VPS9D1: variants seen among roughly 807,000 people sequenced by gnomAD.
The protein encoded by VPS9D1 is VPS9 domain containing 1.
Under a neutral mutation model 75.8 loss-of-function variants are expected in VPS9D1, and 78 were observed. That is an observed-to-expected ratio of 1.03 (90% confidence interval 0.86 to 1.24). VPS9D1 has a LOEUF of 1.24. VPS9D1 is among the 50% of genes most tolerant of loss of function. VPS9D1 has a pLI of 0.00. For missense variants in VPS9D1, 1,057 were observed against 847.7 expected, an observed-to-expected ratio of 1.25 and a Z score of -3.07; for synonymous variants, 481 against 385.6, an observed-to-expected ratio of 1.25 and a Z score of -2.90.
At chr16:89,715,521 C>A (rs190115486) in intron 4 of VPS9D1, among the ~76,000 whole-genome samples, 2,768 of 151,334 alleles carry the variant, frequency 0.018, 49 homozygotes, top group South Asian at 0.097. Flanking sequence ...CCACCGCGCC[C>A]GGTCATTTTT....
At chr16:89,711,794 G>C (rs1597910845) in intron 8 of VPS9D1, 88 bp downstream of exon 8, 4 of 1,429,226 alleles carry the variant, frequency 2.8e-6, no homozygotes, top group Admixed American at 4.5e-5. Context: ...CTCTGGCTCC[G>C]CCCCCCACGG....
chr16:89,710,506 C>T (rs1013563222), intron 10 of VPS9D1, 80 bp downstream of exon 10: 26 of 1,454,980 alleles, frequency 1.8e-5, no homozygotes, highest in African/African-American at 1.4e-4. Flanking sequence ...ACAGACCCTT[C>T]CCCAAACAGA....
intron 4 of VPS9D1, among the ~76,000 whole-genome samples, chr16:89,715,505 C>T (rs753294290): frequency 1.3e-5 from 2 of 151,652 alleles, no homozygotes; most frequent in Non-Finnish European, 2.9e-5. Context: ...GGATTACAGG[C>T]GTGAGCCACC....
intron 2 of VPS9D1, among the ~76,000 whole-genome samples, 156 bp downstream of exon 2, chr16:89,718,871 G>T (rs550177801): frequency 2.6e-5 from 4 of 152,030 alleles, no homozygotes; most frequent in Non-Finnish European, 5.9e-5. Context: ...CCGCCACCAG[G>T]CCCAGCTGAT....
At chr16:89,716,945 C>T in intron 2 of VPS9D1, 123 bp from the exon 3 acceptor site, 2 of 843,700 alleles carry the variant, frequency 2.4e-6, no homozygotes, top group South Asian at 2.0e-5. Context: ...CCCACTGACC[C>T]CGGGCAAGCC....
At chr16:89,708,734 C>T in intron 13 of VPS9D1, 123 bp downstream of exon 13, 1 of 1,202,380 alleles carries the variant, frequency 8.3e-7, no homozygotes, top group Non-Finnish European at 1.1e-6. Flanking sequence ...CCACACGGCC[C>T]TCCTGCTTCT....
intron 2 of VPS9D1, chr16:89,717,323 C>G (rs926283527): frequency 8.6e-6 from 3 of 350,056 alleles, no homozygotes; most frequent in Non-Finnish European, 1.7e-5. Context: ...AGTGCTCACT[C>G]AGCTTCACTT....
intron 2 of VPS9D1, among the ~76,000 whole-genome samples, chr16:89,718,366 ACAC>A (rs2061140905): frequency 6.6e-6 from 1 of 152,074 alleles, no homozygotes. Context: ...GTTTCCCTGC[ACAC>A]CAGAACGGCC....
rs765217513 is a variant in VPS9D1 at position 89,711,348 on chromosome 16, C to G, written c.812G>C (p.Ser271Thr). ...CTACCTGAGCAGGTGTGAGACCAGG[C>G]TGGTCACGAGTGACAGGTCCCCCGG... ...RNPGDLSLVT[S>T]LVSHLLSLPD... The change falls in exon 9 of 15, where the codon AGC (serine) becomes ACC (threonine). Residue 271 changes from serine (S) to threonine (T), a missense_variant. By Grantham distance (58) the Ser-to-Thr change is moderately conservative. Coordinates refer to ENST00000389386, the MANE Select transcript of VPS9D1 (RefSeq NM_004913.3). The G allele has an allele frequency of 5.0e-6, 8 of 1,610,672 alleles. No individual in the cohort carries two copies. In the Admixed American group the frequency reaches 1.0e-4, roughly 20 times the overall value.
intron 2 of VPS9D1, 28 bp from the exon 3 acceptor site, chr16:89,716,850 C>A: frequency 6.4e-7 from 1 of 1,567,266 alleles, no homozygotes; most frequent in Non-Finnish European, 8.6e-7. Context: ...AGGCTGGTCA[C>A]AGTCGGCTCT....
At chr16:89,714,884 G>A (rs1404683142) in intron 4 of VPS9D1, among the ~76,000 whole-genome samples, 1 of 151,950 alleles carries the variant, frequency 6.6e-6, no homozygotes, top group Non-Finnish European at 1.5e-5. Flanking sequence ...ACAGGCACGC[G>A]CCACCATGCC....
rs554524289 is a variant in VPS9D1 at position 89,711,866 on chromosome 16, C to T, written c.747+16G>A. ...CTGGGCTCCTCCTACAAAGCCTGGGCCCGTGGGGGACGCACATGGTCCTGT... is the reference window on the plus strand; with the variant it reads ...CTGGGCTCCTCCTACAAAGCCTGGGTCCGTGGGGGACGCACATGGTCCTGT... On this transcript the variant is annotated intron_variant, in intron 8 of 14. Coordinates refer to ENST00000389386, the MANE Select transcript of VPS9D1 (RefSeq NM_004913.3). 7.7e-6 allele frequency: 12 copies of T among 1,549,610 alleles called. No homozygotes were observed. The highest frequency in any genetic ancestry group is 1.0e-5 in the Non-Finnish European group (12 of 1,146,208).
In VPS9D1 at chr16:89,716,841, G is replaced by A. The variant is rs761652605; in HGVS notation, c.176-19C>T. On this transcript the variant is annotated intron_variant, in intron 2 of 14. Coordinates refer to ENST00000389386, the MANE Select transcript of VPS9D1 (RefSeq NM_004913.3). Reference sequence around the variant, plus strand: ...CCAGCTTCTGGGGGAGGGACAAGAAGGCTGGTCACAGTCGGCTCTACCACT... The same window carrying A: ...CCAGCTTCTGGGGGAGGGACAAGAAAGCTGGTCACAGTCGGCTCTACCACT... 2.5e-6 allele frequency: 4 copies of A among 1,578,960 alleles called. No homozygotes were observed. The South Asian group carries it at 3.5e-5, about 14-fold the overall frequency.
At position 89,717,380 on chromosome 16, in the gene VPS9D1, G is replaced by A. The variant is rs1049730110; in HGVS notation, c.176-558C>T. On this transcript the variant is annotated intron_variant, in intron 2 of 14. Transcript: ENST00000389386. ...GTGGCCGTTTTACAGAGACAAGGACGTGCTGAGGGGATCGCCTCACCCATC... is the reference window on the plus strand; with the variant it reads ...GTGGCCGTTTTACAGAGACAAGGACATGCTGAGGGGATCGCCTCACCCATC... 3.8e-5 allele frequency: 14 copies of A among 368,600 alleles called. No homozygotes were observed. The East Asian group carries it at 9.6e-4, about 25-fold the overall frequency. 22.8% of individuals were successfully genotyped at this position (368,600 alleles called of 1,614,324 possible).
chr16:89,716,838 G>C lies in VPS9D1; in HGVS notation c.176-16C>G, dbSNP rs753540701. 6.3e-7 allele frequency: 1 copy of C among 1,581,326 alleles called. No homozygotes were observed. The highest frequency in any genetic ancestry group is 1.2e-5 in the South Asian group (1 of 86,946). On this transcript the variant is annotated splice_polypyrimidine_tract_variant and intron_variant, in intron 2 of 14. Transcript: ENST00000389386. Reference sequence around the variant, plus strand: ...TCCCCAGCTTCTGGGGGAGGGACAAGAAGGCTGGTCACAGTCGGCTCTACC... The same window carrying C: ...TCCCCAGCTTCTGGGGGAGGGACAACAAGGCTGGTCACAGTCGGCTCTACC...
At chr16:89,710,376 A>G (rs898730563) in intron 10 of VPS9D1, among the ~76,000 whole-genome samples, 8 of 152,148 alleles carry the variant, frequency 5.3e-5, no homozygotes, top group East Asian at 1.9e-4. Flanking sequence ...AACTGAGGTC[A>G]GGAGTTTGAG....
rs772638340 is a variant in VPS9D1, at chr16:89,710,698, G to T, written c.1146C>A (p.Asp382Glu). 1 of 1,609,034 alleles carries T rather than the reference G, an allele frequency of 6.2e-7. No homozygotes were observed. Among genetic ancestry groups the T allele is most frequent in the Non-Finnish European group, 8.5e-7 (1 of 1,178,394 alleles). The change falls in exon 10 of 15, where the codon GAC becomes GAA. Residue 382 changes from aspartate (D) to glutamate (E), a missense_variant. Coordinates refer to ENST00000389386, the MANE Select transcript of VPS9D1 (RefSeq NM_004913.3). ...CAGACGTCCCCAGGAACTGCTCCAG[G>T]TCCTCGAACGAGCTGTCCTTGTCTG... Reference protein sequence around the residue: ...GLPDKDSSFEDLEQFLGTSER... With the variant: ...GLPDKDSSFEELEQFLGTSER...
intron 2 of VPS9D1, among the ~76,000 whole-genome samples, chr16:89,717,095 C>T (rs1327409261): frequency 8.4e-6 from 1 of 118,422 alleles, no homozygotes; most frequent in Non-Finnish European, 1.8e-5. Context: ...CCCCTCACCC[C>T]GGGTAAGCCC....
Position 89,707,771 on chromosome 16 carries a change from G to A in VPS9D1, c.*90C>T. ...CAGAGCAGCGTGAGGCTCCAGGATG[G>A]TCCTCAGTAGATCCCATGGCTCCAG... is the stretch of plus-strand genomic sequence containing the variant. On this transcript the variant is annotated 3_prime_UTR_variant, in exon 15 of 15. Coordinates refer to ENST00000389386, the MANE Select transcript of VPS9D1 (RefSeq NM_004913.3). The A allele has an allele frequency of 8.3e-7, 1 of 1,209,602 alleles. No homozygotes were observed. 74.9% of individuals were successfully genotyped at this position (1,209,602 alleles called of 1,614,324 possible). A position where few individuals can be genotyped will look rare whatever the true frequency, so the allele number is the denominator to read the frequency against.
Sources: allele counts gnomAD v4.1 joint callset (sites outside exome capture counted in the v4.1 genomes callset), GRCh38; gene constraint gnomAD v4.1.1; transcripts MANE v1.5; gene names NCBI Gene and HGNC (gene_info 2026-07-23, HGNC 2026-07-21).